Variants in SI observed in about 807,000 individuals in gnomAD.
SI encodes sucrase-isomaltase, also known as sucrase-isomaltase, intestinal.
Under a neutral mutation model 253.3 loss-of-function variants are expected in SI, and 235 were observed. That is an observed-to-expected ratio of 0.93 (90% CI 0.83 to 1.03). SI has a LOEUF of 1.03. Among genes scored for constraint, SI ranks in the 50% least tolerant of loss-of-function variants. SI has a pLI of 0.00. For synonymous variants in SI, 819 were observed against 712.0 expected (o/e 1.15, Z -2.39); for missense variants, 2,442 against 2,211.1 (o/e 1.10, Z -2.09).
In SI at chr3:164,996,524, T is replaced by C; in HGVS notation, c.4692+11A>G. The C allele has an allele frequency of 7.6e-7, 1 of 1,310,884 alleles. No individual in the cohort carries two copies. The highest frequency in any genetic ancestry group is 1.1e-6 in the Non-Finnish European group (1 of 904,282). The allele number at this position is 1,310,884 out of a possible 1,614,324, so 81.2% of individuals were successfully genotyped here. A position where few individuals can be genotyped will look rare whatever the true frequency, so the allele number is the denominator to read the frequency against. On this transcript the variant is annotated intron_variant, in intron 40 of 47. Transcript: ENST00000264382. ...AAGAAAATACTGAAAGTAAATGTAG[T>C]AATTACATACTCTAGTATTTGCAAT...
Position 165,015,172 on chromosome 3 carries a change from T to C in SI, c.3950A>G (p.Asn1317Ser). ...TYPAFERGQQ[N>S]DVFVKWPNTN... ...GTTTGGCCATTTGACAAAGACATCA[T>C]TCTGCTGTCCTCTTTCAAATGCAGG... The change falls in exon 33 of 48, where the codon AAT becomes AGT. Residue 1317 changes from asparagine (N) to serine (S), a missense_variant. Asn to Ser is a conservative substitution (Grantham distance 46). Transcript: ENST00000264382. 1 of 1,613,592 alleles carries C rather than the reference T, an allele frequency of 6.2e-7. No individual in the cohort carries two copies. The highest frequency in any genetic ancestry group is 1.1e-5 in the South Asian group (1 of 91,080).
chr3:164,982,064 AT>A (rs1367450727), intron 47 of SI, among the ~76,000 whole-genome samples, 178 bp downstream of exon 47: 4 of 152,164 alleles, frequency 2.6e-5, no homozygotes, highest in Non-Finnish European at 4.4e-5. Flanking sequence ...ATTGATTTGT[AT>A]GACAGTTTAC....
At chr3:165,085,291 T>A in the SI span, among the ~76,000 whole-genome samples, 1 of 152,156 alleles carries the variant, frequency 6.6e-6, no homozygotes, top group African/African-American at 2.4e-5. Context: ...TTGAAATCAA[T>A]TCAAGTATAA....
intron 3 of SI, among the ~76,000 whole-genome samples, chr3:165,070,352 A>G (rs1272762862): frequency 1.7e-5 from 2 of 114,288 alleles, no homozygotes; most frequent in Non-Finnish European, 3.8e-5. Flanking sequence ...CACCATATAT[A>G]TATATATATA....
At chr3:165,031,042 G>GA (rs1712210665) in intron 24 of SI, among the ~76,000 whole-genome samples, 175 bp from the exon 25 acceptor site, 1 of 149,690 alleles carries the variant, frequency 6.7e-6, no homozygotes, top group Non-Finnish European at 1.5e-5. Context: ...TAAAATACTA[G>GA]AAAAACAGAA....
intron 12 of SI, among the ~76,000 whole-genome samples, 193 bp from the exon 13 acceptor site, chr3:165,055,500 G>C (rs1576913265): frequency 6.6e-6 from 1 of 151,836 alleles, no homozygotes; most frequent in South Asian, 2.1e-4. Flanking sequence ...GTTAAAAAAA[G>C]GTGAAATCAT....
At chr3:165,077,917 G>T (rs1158785967) in intron 1 of SI, among the ~76,000 whole-genome samples, 1 of 151,424 alleles carries the variant, frequency 6.6e-6, no homozygotes, top group Non-Finnish European at 1.5e-5. Context: ...GTAATTTTAA[G>T]CAACTCTTCT....
intron 46 of SI, among the ~76,000 whole-genome samples, chr3:164,982,648 T>C (rs191550318): frequency 6.6e-6 from 1 of 152,204 alleles, no homozygotes; most frequent in Non-Finnish European, 1.5e-5. Context: ...CTCAGAAAGT[T>C]TGGATTCAGT....
At position 165,042,974 on chromosome 3, in the gene SI, T is replaced by C. The variant is rs560143760; in HGVS notation, c.2004+85A>G. ...AATTATGCTACAATCTTTCAGACCA[T>C]ATACTCTATAGATTTAATTTAAGTA... On this transcript the variant is annotated intron_variant, in intron 17 of 47. Coordinates refer to ENST00000264382, the MANE Select transcript of SI (RefSeq NM_001041.4). 5.9e-5 allele frequency: 50 copies of C among 842,494 alleles called. No individual in the cohort carries two copies. The South Asian group carries it at 6.6e-4, about 11-fold the overall frequency. The allele number at this position is 842,494 out of a possible 1,614,324, so 52.2% of individuals were successfully genotyped here.
intron 44 of SI, among the ~76,000 whole-genome samples, chr3:164,990,981 A>G (rs1717706392): frequency 1.3e-5 from 2 of 150,668 alleles, no homozygotes; most frequent in Non-Finnish European, 2.9e-5. Context: ...AATATAAAAA[A>G]GATAATATTT....
intron 25 of SI, among the ~76,000 whole-genome samples, chr3:165,027,392 A>G (rs1370753509): frequency 1.3e-5 from 2 of 151,326 alleles, no homozygotes; most frequent in Non-Finnish European, 3.0e-5. Context: ...AATAATTGGT[A>G]CCAATCTATT....
At chr3:164,980,303 C>A (rs900360681) in intron 47 of SI, among the ~76,000 whole-genome samples, 1 of 151,818 alleles carries the variant, frequency 6.6e-6, no homozygotes, top group South Asian at 2.1e-4. Context: ...TAAAACAGAT[C>A]CATCTTGTAA....
At chr3:164,998,207 A>G (rs1718103468) in intron 38 of SI, among the ~76,000 whole-genome samples, 1 of 151,780 alleles carries the variant, frequency 6.6e-6, no homozygotes, top group Admixed American at 6.6e-5. Context: ...TTGACTTTTT[A>G]ATAATAGCTA....
In SI at chr3:165,036,419, C is replaced by T. The variant is rs1433341918; in HGVS notation, c.2485G>A (p.Asp829Asn). The T allele has an allele frequency of 6.2e-7, 1 of 1,611,444 alleles. No homozygotes were observed. Among genetic ancestry groups the T allele is most frequent in the Non-Finnish European group, 8.5e-7 (1 of 1,178,252 alleles). ...ALGENNTAKGDFFWDDGETKD... is the reference protein window; with the variant it reads ...ALGENNTAKGNFFWDDGETKD... Reference sequence around the variant, plus strand: ...GTTTCTCCATCATCCCAGAAAAAGTCTCCTTTGGCTGTGTTGTTTTCACCT... The same window carrying T: ...GTTTCTCCATCATCCCAGAAAAAGTTTCCTTTGGCTGTGTTGTTTTCACCT... The change falls in exon 22 of 48, where the codon GAC becomes AAC. Residue 829 changes from aspartate to asparagine, a missense_variant. By Grantham distance (23) the Asp-to-Asn change is conservative (BLOSUM62 1). Transcript: ENST00000264382.
At chr3:165,065,151 T>G in intron 7 of SI, 110 bp downstream of exon 7, 4 of 721,088 alleles carry the variant, frequency 5.5e-6, no homozygotes, top group South Asian at 5.2e-5. Flanking sequence ...TCAGTGACAT[T>G]CAAATAGTTT....
intron 44 of SI, among the ~76,000 whole-genome samples, chr3:164,988,326 T>C (rs529433563): frequency 4.1e-4 from 63 of 152,294 alleles, no homozygotes; most frequent in African/African-American, 1.5e-3. Flanking sequence ...TGTATATGAA[T>C]TTCAGTTCAC....
intron 47 of SI, among the ~76,000 whole-genome samples, chr3:164,979,735 T>A (rs1445919321): frequency 2.0e-5 from 3 of 151,848 alleles, no homozygotes; most frequent in Non-Finnish European, 4.4e-5. Flanking sequence ...CACATAATTT[T>A]GAAATATGGA....
At chr3:164,991,687 T>A (rs529044493) in intron 43 of SI, among the ~76,000 whole-genome samples, 2 of 152,290 alleles carry the variant, frequency 1.3e-5, no homozygotes, top group East Asian at 1.9e-4. Context: ...ACCTTAAATA[T>A]ACATGGTGAA....
chr3:165,080,795 T>C (rs1333690729), upstream of SI, among the ~76,000 whole-genome samples: 4 of 152,128 alleles, frequency 2.6e-5, no homozygotes, highest in East Asian at 7.8e-4. Flanking sequence ...GAGATATACC[T>C]AATGTAAATG....
Sources: allele counts gnomAD v4.1 joint callset (sites outside exome capture counted in the v4.1 genomes callset), GRCh38; gene constraint gnomAD v4.1.1; transcripts MANE v1.5; gene names NCBI Gene and HGNC (gene_info 2026-07-23, HGNC 2026-07-21).